Variants in TSFM observed in about 807,000 individuals in gnomAD.
The protein encoded by TSFM is Ts translation elongation factor, mitochondrial.
In TSFM, 29 loss-of-function variants were observed where a neutral mutation model predicts 33.4. The ratio of observed to expected loss-of-function variants is 0.87; its 90% CI spans 0.65 to 1.18. TSFM has a LOEUF of 1.18. TSFM is among the 50% of genes most tolerant of loss of function. The probability of loss-of-function intolerance (pLI) is 0.00; values close to 1 mark genes in which losing one functional copy is unlikely to be tolerated. For synonymous variants in TSFM, 178 were observed against 163.5 expected (o/e 1.09, Z -0.68); for missense variants, 394 against 395.6 (o/e 1.00, Z 0.04).
chr12:57,799,217 GAGA>G (rs1371603340), downstream of TSFM, among the ~76,000 whole-genome samples: 1 of 152,208 alleles, frequency 6.6e-6, no homozygotes, highest in Non-Finnish European at 1.5e-5. Flanking sequence ...GATGATTTGG[GAGA>G]AGGATGTTTT....
intron 2 of TSFM, among the ~76,000 whole-genome samples, chr12:57,785,299 A>G (rs755804218): frequency 3.3e-5 from 5 of 152,100 alleles, no homozygotes; most frequent in Admixed American, 6.5e-5. Flanking sequence ...CTAGGCCTAC[A>G]CAGGAGTGGC....
At chr12:57,798,295 GA>G (rs1352327436), downstream of TSFM, among the ~76,000 whole-genome samples, 2 of 152,202 alleles carry the variant, frequency 1.3e-5, no homozygotes, top group Non-Finnish European at 2.9e-5. Flanking sequence ...ATGAATTACA[GA>G]CATCAAATTT....
At chr12:57,793,559 G>A (rs1955693232) in intron 5 of TSFM, among the ~76,000 whole-genome samples, 1 of 152,204 alleles carries the variant, frequency 6.6e-6, no homozygotes, top group African/African-American at 2.4e-5. Context: ...GCTGCTGGAG[G>A]AAGTCCCATT....
chr12:57,791,287 G>C (rs1249406326), intron 4 of TSFM, among the ~76,000 whole-genome samples: 1 of 152,182 alleles, frequency 6.6e-6, no homozygotes, highest in Non-Finnish European at 1.5e-5. Flanking sequence ...TGAGATTACA[G>C]GCGTGGGCCA....
downstream of TSFM, among the ~76,000 whole-genome samples, chr12:57,800,816 C>T (rs1255426451): frequency 6.6e-6 from 1 of 152,158 alleles, no homozygotes. Flanking sequence ...CCATATTAGT[C>T]AGGCTGGTCT....
downstream of TSFM, chr12:57,802,341 A>G: frequency 6.2e-7 from 1 of 1,611,182 alleles, no homozygotes; most frequent in Non-Finnish European, 8.5e-7. Flanking sequence ...CCCAATCCAC[A>G]AGAACACCTG....
downstream of TSFM, chr12:57,802,504 C>T: frequency 1.1e-6 from 1 of 887,168 alleles, no homozygotes; most frequent in Non-Finnish European, 1.8e-6. Flanking sequence ...GAAAGGTTTT[C>T]CCAGAATCAG....
In TSFM at chr12:57,783,284, G is replaced by T; in HGVS notation, c.231+1G>T. The T allele has an allele frequency of 6.2e-7, 1 of 1,613,370 alleles. No homozygotes were observed. Among genetic ancestry groups the T allele is most frequent in the South Asian group, 1.1e-5 (1 of 91,076 alleles). ...GACTTGTGGCGGGGACCTCAAACAG[G>T]TGTGTGTGTGGAGGGGTGCAGGGCG... On this transcript the variant is annotated splice_donor_variant, in intron 2 of 5. Transcript: ENST00000652027. LOFTEE classifies it high-confidence loss of function.
At chr12:57,801,309 A>G (rs1595156475), downstream of TSFM, 1 of 952,408 alleles carries the variant, frequency 1.0e-6, no homozygotes, top group Non-Finnish European at 1.6e-6. Context: ...CAAAAGAGCC[A>G]GGGAGTCAGA....
At chr12:57,783,410 A>G in intron 2 of TSFM, 127 bp downstream of exon 2, 1 of 1,222,922 alleles carries the variant, frequency 8.2e-7, no homozygotes, top group Non-Finnish European at 1.2e-6. Context: ...CTAAGTGGAA[A>G]TCTGGCTTAA....
chr12:57,786,015 T>G, intron 2 of TSFM, 148 bp from the exon 3 acceptor site: 1 of 964,164 alleles, frequency 1.0e-6, no homozygotes, highest in Non-Finnish European at 1.4e-6. Context: ...GTATTTGGCA[T>G]TTAGTGGTAG....
At chr12:57,786,893 A>C in intron 3 of TSFM, 147 bp from the exon 4 acceptor site, 1 of 775,898 alleles carries the variant, frequency 1.3e-6, no homozygotes, top group Admixed American at 3.0e-5. Context: ...TAGGAGAGGA[A>C]GCGTAGCTTT....
chr12:57,792,650 TG>T (rs1353892051), intron 4 of TSFM, among the ~76,000 whole-genome samples: 3 of 152,124 alleles, frequency 2.0e-5, no homozygotes, highest in Non-Finnish European at 4.4e-5. Context: ...TGGAGTGCAT[TG>T]GCATAATCTG....
chr12:57,794,635 C>G (rs1955706447), intron 5 of TSFM, among the ~76,000 whole-genome samples: 1 of 152,210 alleles, frequency 6.6e-6, no homozygotes, highest in African/African-American at 2.4e-5. Context: ...GGAGTCAGAT[C>G]TGAGTTTTAA....
chr12:57,795,817 T>C (rs1955729080), intron 5 of TSFM, among the ~76,000 whole-genome samples: 1 of 152,058 alleles, frequency 6.6e-6, no homozygotes, highest in Non-Finnish European at 1.5e-5. Context: ...GTTTCATCCA[T>C]GTTGGCCAGG....
chr12:57,785,125 A>C (rs1678640685), intron 2 of TSFM, among the ~76,000 whole-genome samples: 1 of 151,786 alleles, frequency 6.6e-6, no homozygotes, highest in South Asian at 2.1e-4. Flanking sequence ...ACAGGGTTTC[A>C]CCGTGTTAGC....
At position 57,796,994 on chromosome 12, in the gene TSFM, A is replaced by G. The variant is rs1431490359; in HGVS notation, c.*411A>G. The G allele has an allele frequency of 1.0e-6, 1 of 986,262 alleles. No individual in the cohort carries two copies. The highest frequency in any genetic ancestry group is 1.7e-5 in the African/African-American group (1 of 57,272). 61.1% of individuals were successfully genotyped at this position (986,262 alleles called of 1,614,324 possible). On this transcript the variant is annotated 3_prime_UTR_variant, in exon 6 of 6. Transcript: ENST00000652027. ...CCTCCCTAGTTATATTACTTGTGCCACATGGATTTCTTTAGGATTATTGAT... is the reference window on the plus strand; with the variant it reads ...CCTCCCTAGTTATATTACTTGTGCCGCATGGATTTCTTTAGGATTATTGAT...
At chr12:57,802,123 G>A (rs1955860733), downstream of TSFM, 3 of 1,606,594 alleles carry the variant, frequency 1.9e-6, no homozygotes, top group East Asian at 6.7e-5. Flanking sequence ...TGAGCTACCT[G>A]GCAGGAAGTT....
At position 57,796,064 on chromosome 12, in the gene TSFM, A is replaced by G. The variant is rs1254948471; in HGVS notation, c.572-113A>G. ...ATCTCTTCATCTTACTGCATATCCT[A>G]TGTAAATGCAAAGGGACTGTCTTCC... is the stretch of plus-strand genomic sequence containing the variant. On this transcript the variant is annotated intron_variant, in intron 5 of 5. Coordinates refer to ENST00000652027, the MANE Select transcript of TSFM (RefSeq NM_005726.6). 6.7e-6 allele frequency: 6 copies of G among 900,000 alleles called. No individual in the cohort carries two copies. The Admixed American group carries it at 8.7e-5, about 13-fold the overall frequency. 55.8% of individuals were successfully genotyped at this position (900,000 alleles called of 1,614,324 possible). A position where few individuals can be genotyped will look rare whatever the true frequency, so the allele number is the denominator to read the frequency against.
Sources: gnomAD v4.1 joint callset for allele counts (sites outside exome capture counted in the v4.1 genomes callset) on GRCh38, gnomAD v4.1.1 for gene constraint, MANE v1.5 for transcripts, NCBI Gene and HGNC (gene_info 2026-07-23, HGNC 2026-07-21) for gene names.